ROBO1: variants seen among roughly 807,000 people sequenced by gnomAD.
The protein encoded by ROBO1 is roundabout guidance receptor 1.
A neutral mutation model predicts 195.9 loss-of-function variants in ROBO1; 149 were observed. The ratio of observed to expected loss-of-function variants is 0.76; its 90% CI spans 0.67 to 0.87. The LOEUF is 0.87. ROBO1 is among the 40% of genes least tolerant of loss of function. The pLI is 0.00. For missense variants in ROBO1, 1,933 were observed against 2,068.3 expected, an observed-to-expected ratio of 0.93 and a Z score of 1.27; for synonymous variants, 816 against 733.2, an observed-to-expected ratio of 1.11 and a Z score of -1.82.
chr3:78,760,710 T>C (rs569337551), intron 4 of ROBO1, among the ~76,000 whole-genome samples: 37 of 152,280 alleles, frequency 2.4e-4, no homozygotes, highest in African/African-American at 8.2e-4. Flanking sequence ...GGTGTTATCA[T>C]GGCTCACGGC....
At chr3:78,600,637 C>T (rs1436795365) in intron 29 of ROBO1, among the ~76,000 whole-genome samples, 1 of 152,110 alleles carries the variant, frequency 6.6e-6, no homozygotes, top group Non-Finnish European at 1.5e-5. Flanking sequence ...CTGTCATTCA[C>T]TATATGATCT....
chr3:79,608,735 G>A (rs913352423), intron 1 of ROBO1, among the ~76,000 whole-genome samples: 1 of 151,834 alleles, frequency 6.6e-6, no homozygotes, highest in Non-Finnish European at 1.5e-5. Flanking sequence ...AGCAATTTCT[G>A]TTATGATTCC....
intron 2 of ROBO1, among the ~76,000 whole-genome samples, chr3:79,321,969 A>T (rs1576972754): frequency 6.6e-6 from 1 of 152,294 alleles, no homozygotes; most frequent in Non-Finnish European, 1.5e-5. Flanking sequence ...AGAATTTCTG[A>T]TTCAGCATAA....
At chr3:79,100,315 G>C (rs984325391) in intron 3 of ROBO1, among the ~76,000 whole-genome samples, 5 of 151,800 alleles carry the variant, frequency 3.3e-5, no homozygotes, top group African/African-American at 1.2e-4. Context: ...CTTTCATGGA[G>C]AAGTAGTGTT....
intron 2 of ROBO1, among the ~76,000 whole-genome samples, chr3:79,172,082 AAC>A (rs1184525008): frequency 1.3e-5 from 2 of 151,732 alleles, no homozygotes; most frequent in Non-Finnish European, 2.9e-5. Flanking sequence ...CAATAACAAG[AAC>A]AACAGCAAAA....
intron 4 of ROBO1, among the ~76,000 whole-genome samples, chr3:78,752,961 T>C (rs576628460): frequency 5.9e-5 from 9 of 152,140 alleles, no homozygotes; most frequent in Non-Finnish European, 1.0e-4. Flanking sequence ...TGGAAGAAAA[T>C]ATGCTGGTAG....
chr3:78,675,449 G>C (rs377571121), intron 10 of ROBO1, among the ~76,000 whole-genome samples: 1 of 152,228 alleles, frequency 6.6e-6, no homozygotes, highest in Admixed American at 6.5e-5. Context: ...CTGGAAAATC[G>C]GGTCACTCCC....
At chr3:78,937,149 T>A (rs749326883) in intron 4 of ROBO1, among the ~76,000 whole-genome samples, 1 of 152,064 alleles carries the variant, frequency 6.6e-6, no homozygotes, top group Non-Finnish European at 1.5e-5. Flanking sequence ...TTAAGTAATA[T>A]GAGGCTCTGG....
At chr3:79,417,939 C>A (rs1464452869) in intron 2 of ROBO1, among the ~76,000 whole-genome samples, 1 of 152,070 alleles carries the variant, frequency 6.6e-6, no homozygotes, top group Non-Finnish European at 1.5e-5. Context: ...GAATGTATCA[C>A]GACCAGATTA....
chr3:79,014,085 CT>C (rs940199339), intron 3 of ROBO1, among the ~76,000 whole-genome samples: 2 of 152,144 alleles, frequency 1.3e-5, no homozygotes, highest in Admixed American at 6.5e-5. Flanking sequence ...CTTCAAATTG[CT>C]TTTTTTGTTG....
intron 3 of ROBO1, among the ~76,000 whole-genome samples, chr3:78,998,072 T>C (rs1284822116): frequency 1.3e-5 from 2 of 152,164 alleles, no homozygotes; most frequent in Non-Finnish European, 1.5e-5. Flanking sequence ...CAGTAAATAT[T>C]TGTGGAATTA....
rs1260945174 is a variant in ROBO1, at chr3:78,661,047, G to A, written c.2303C>T (p.Ala768Val). 10 of 1,611,380 alleles carry A rather than the reference G, an allele frequency of 6.2e-6. No homozygotes were observed. The highest frequency in any genetic ancestry group is 8.5e-6 in the Non-Finnish European group (10 of 1,178,526). The change falls in exon 16 of 31, where the codon GCC (alanine) becomes GTC (valine). Residue 768 changes from alanine to valine, a missense_variant. Physicochemically the swap from Ala to Val is moderately conservative, Grantham distance 64. Transcript: ENST00000464233. Reference protein sequence around the residue: ...FQGADSEIKFAKTLEEAPSAP... With the variant: ...FQGADSEIKFVKTLEEAPSAP... Reference sequence around the variant, plus strand: ...ATACTTGCCTTCTTCCAGGGTTTTGGCAAACTTGATTTCACTATCTGCTCC... The same window carrying A: ...ATACTTGCCTTCTTCCAGGGTTTTGACAAACTTGATTTCACTATCTGCTCC...
At chr3:79,319,942 T>C (rs1230233959) in intron 2 of ROBO1, among the ~76,000 whole-genome samples, 2 of 152,208 alleles carry the variant, frequency 1.3e-5, no homozygotes, top group Non-Finnish European at 2.9e-5. Context: ...TAAATAACTT[T>C]TTCAAGTCAA....
intron 3 of ROBO1, among the ~76,000 whole-genome samples, chr3:79,077,045 T>G (rs1229220367): frequency 6.6e-6 from 1 of 151,950 alleles, no homozygotes; most frequent in Non-Finnish European, 1.5e-5. Flanking sequence ...TACAATGTGG[T>G]GACTTGGTAT....
At chr3:78,601,386 C>T (rs1390110033) in intron 29 of ROBO1, among the ~76,000 whole-genome samples, 3 of 152,164 alleles carry the variant, frequency 2.0e-5, no homozygotes, top group Non-Finnish European at 2.9e-5. Context: ...TCCTTGATAG[C>T]GTCTTGTTCT....
intron 1 of ROBO1, among the ~76,000 whole-genome samples, chr3:79,726,294 C>A (rs1454226399): frequency 6.6e-6 from 1 of 152,172 alleles, no homozygotes; most frequent in Admixed American, 6.5e-5. Flanking sequence ...GTCCCTCAAG[C>A]CCTCCTCCAA....
chr3:78,775,630 G>T (rs993396819), intron 4 of ROBO1, among the ~76,000 whole-genome samples: 6 of 152,092 alleles, frequency 3.9e-5, no homozygotes, highest in African/African-American at 1.4e-4. Context: ...TCAATTTGTT[G>T]AGCGAAAAAA....
intron 3 of ROBO1, among the ~76,000 whole-genome samples, chr3:79,063,070 G>C (rs1048513709): frequency 6.6e-6 from 1 of 151,906 alleles, no homozygotes; most frequent in African/African-American, 2.4e-5. Context: ...TTTAGTCTTT[G>C]TGGACCATGT....
intron 2 of ROBO1, among the ~76,000 whole-genome samples, chr3:79,390,612 G>A (rs1318818614): frequency 2.6e-5 from 4 of 152,172 alleles, no homozygotes; most frequent in African/African-American, 9.7e-5. Flanking sequence ...AGCAGCCTTA[G>A]TAAGAGGCAA....
Sources: gnomAD v4.1 joint callset for allele counts (sites outside exome capture counted in the v4.1 genomes callset) on GRCh38, gnomAD v4.1.1 for gene constraint, MANE v1.5 for transcripts, NCBI Gene and HGNC (gene_info 2026-07-23, HGNC 2026-07-21) for gene names.